ATP13A1: variants seen among roughly 807,000 people sequenced by gnomAD.
ATP13A1 encodes ATPase 13A1, also known as endoplasmic reticulum transmembrane helix translocase.
In ATP13A1, 55 loss-of-function variants were observed where a neutral mutation model predicts 134.8. The ratio of observed to expected loss-of-function variants is 0.41; its 90% CI spans 0.33 to 0.51. The LOEUF (loss-of-function observed/expected upper bound fraction) is 0.51. Among genes scored for constraint, ATP13A1 ranks in the 20% least tolerant of loss-of-function variants. The probability of loss-of-function intolerance (pLI) is 0.29; values close to 1 mark genes in which losing one functional copy is unlikely to be tolerated. For missense variants in ATP13A1, 1,389 were observed against 1,652.8 expected (o/e 0.84, Z 2.77); for synonymous variants, 775 against 725.1 (o/e 1.07, Z -1.10).
Position 19,647,189 on chromosome 19 carries a change from G to T in ATP13A1, c.3045C>A (p.Phe1015Leu). The change falls in exon 22 of 26, where the codon TTC (phenylalanine) becomes TTA (leucine). Residue 1015 changes from phenylalanine to leucine, a missense_variant. Phe to Leu is a conservative substitution (Grantham distance 22, BLOSUM62 0). Around this residue, in one of 4 missense-constraint regions of ATP13A1, gnomAD observed 228 missense variants for 321.0 expected, o/e 0.71. Transcript: ENST00000357324. The surrounding 1 kb of genome is among the most constrained non-coding windows in gnomAD (Gnocchi z 4.8). ...LYLEGVKFSD[F>L]QATLQGLLLA... ...GCAGCAGCCCCTGTAGGGTGGCCTGGAAGTCACTGAACTTGACTCCCTCCA... is the reference window on the plus strand; with the variant it reads ...GCAGCAGCCCCTGTAGGGTGGCCTGTAAGTCACTGAACTTGACTCCCTCCA... 1.2e-6 allele frequency: 2 copies of T among 1,613,920 alleles called. No individual in the cohort carries two copies. The highest frequency in any genetic ancestry group is 1.7e-6 in the Non-Finnish European group (2 of 1,179,864).
rs371690765 is a variant in ATP13A1, at chr19:19,654,008, G to A, written c.1950C>T (p.Ile650=). ...EKLGSTDLCY[I]AAVKGAPETL... ...TTTCGGGGGCCCCCTTCACGGCCGCGATGTAGCAGAGGTCGGTGGAGCCCA... is the reference window on the plus strand; with the variant it reads ...TTTCGGGGGCCCCCTTCACGGCCGCAATGTAGCAGAGGTCGGTGGAGCCCA... Residue 650 remains isoleucine (I), a synonymous_variant, in exon 14 of 26, where the codon ATC becomes ATT. Transcript: ENST00000357324. 4.8e-5 allele frequency: 77 copies of A among 1,598,920 alleles called. No homozygotes were observed. The highest frequency in any genetic ancestry group is 6.2e-5 in the Non-Finnish European group (73 of 1,173,238).
In ATP13A1 at chr19:19,649,677, G is replaced by A. The variant is rs1353673140; in HGVS notation, c.2536-14C>T. ...GATGACAAACTCCTGTATGGGCGGA[G>A]ACAGGCTGAGCAGGGGCTGCGTGCC... is the stretch of plus-strand genomic sequence containing the variant. On this transcript the variant is annotated splice_polypyrimidine_tract_variant and intron_variant, in intron 18 of 25. Coordinates refer to ENST00000357324, the MANE Select transcript of ATP13A1 (RefSeq NM_020410.3). The A allele has an allele frequency of 3.1e-6, 5 of 1,613,680 alleles. No individual in the cohort carries two copies. Among genetic ancestry groups the A allele is most frequent in the Non-Finnish European group, 4.2e-6 (5 of 1,179,796 alleles).
chr19:19,646,093 C>T (rs988277570), intron 23 of ATP13A1, 108 bp from the exon 24 acceptor site: 3 of 1,590,178 alleles, frequency 1.9e-6, no homozygotes, highest in African/African-American at 1.3e-5. Context: ...TGGCCTAGTG[C>T]CCCTCCCTGG....
chr19:19,645,502 G>A lies in ATP13A1; in HGVS notation c.3535C>T (p.Leu1179=). 1 of 1,606,668 alleles carries A rather than the reference G, an allele frequency of 6.2e-7. No homozygotes were observed. ...GCCAGGAGCGCCAGGCAGAAGTCCA[G>A]GAGCAGGACCTGGGCAATGACCAGC... ...FKLVIAQVLL[L]DFCLALLADR... The change falls in exon 26 of 26, where the codon CTG becomes TTG. Residue 1179 remains leucine (L), a synonymous_variant. Coordinates refer to ENST00000357324, the MANE Select transcript of ATP13A1 (RefSeq NM_020410.3). This position sits in a 1 kb window ranked among gnomAD's most constrained non-coding sequence, Gnocchi z 4.1.
chr19:19,647,532 C>G lies in ATP13A1; in HGVS notation c.2794-4G>C. The G allele has an allele frequency of 6.2e-7, 1 of 1,612,254 alleles. No homozygotes were observed. The highest frequency in any genetic ancestry group is 8.5e-7 in the Non-Finnish European group (1 of 1,179,064). ...GCAGCACCTGGCTCAGGCGGTCCTG[C>G]AGGGTAGACAGCAGGCTGTCAGCCC... On this transcript the variant is annotated splice_polypyrimidine_tract_variant and splice_region_variant and intron_variant, in intron 20 of 25. Coordinates refer to ENST00000357324, the MANE Select transcript of ATP13A1 (RefSeq NM_020410.3). The surrounding 1 kb of genome is among the most constrained non-coding windows in gnomAD (Gnocchi z 4.8).
chr19:19,661,120 A>G (rs1476681458), intron 1 of ATP13A1, among the ~76,000 whole-genome samples: 3 of 152,068 alleles, frequency 2.0e-5, no homozygotes, highest in African/African-American at 7.2e-5. Flanking sequence ...CCAAAAAACA[A>G]AACAAAAACA....
chr19:19,646,855 C>A, intron 22 of ATP13A1: 1 of 508,438 alleles, frequency 2.0e-6, no homozygotes, highest in Non-Finnish European at 3.5e-6. Flanking sequence ...TTTTTACCCT[C>A]TTGATGATTG....
At position 19,655,821 on chromosome 19, in the gene ATP13A1, G is replaced by GAT; in HGVS notation, c.1269+55_1269+56dup. The GAT allele has an allele frequency of 6.5e-7, 1 of 1,544,236 alleles. No individual in the cohort carries two copies. Among genetic ancestry groups the GAT allele is most frequent in the Non-Finnish European group, 8.7e-7 (1 of 1,149,000 alleles). Reference sequence around the variant, plus strand: ...AGATGTTCTGGGGTCGGAAAGGGCTGATACCTTGGCTGTCCAACTGCCCTG... The same window carrying GAT: ...AGATGTTCTGGGGTCGGAAAGGGCTGATATACCTTGGCTGTCCAACTGCCCTG... On this transcript the variant is annotated intron_variant, in intron 9 of 25. Transcript: ENST00000357324. The surrounding 1 kb of genome is among the most constrained non-coding windows in gnomAD (Gnocchi z 5.7).
At chr19:19,661,174 C>T (rs1424247651) in intron 1 of ATP13A1, among the ~76,000 whole-genome samples, 2 of 152,186 alleles carry the variant, frequency 1.3e-5, no homozygotes, top group East Asian at 3.9e-4. Flanking sequence ...GCACAGACAG[C>T]ACCTAATGCC....
At chr19:19,649,401 G>A (rs922775466) in intron 19 of ATP13A1, among the ~76,000 whole-genome samples, 166 bp downstream of exon 19, 1 of 152,036 alleles carries the variant, frequency 6.6e-6, no homozygotes, top group Non-Finnish European at 1.5e-5. Context: ...TGGGATATTC[G>A]CATCCCTTCC....
intron 3 of ATP13A1, among the ~76,000 whole-genome samples, chr19:19,657,802 C>T (rs984315567): frequency 2.6e-5 from 4 of 152,116 alleles, no homozygotes; most frequent in African/African-American, 9.7e-5. Context: ...CAGCAGAAGA[C>T]ACTGAGACCC....
intron 15 of ATP13A1, 140 bp from the exon 16 acceptor site, chr19:19,652,860 G>A: frequency 8.0e-7 from 1 of 1,255,476 alleles, no homozygotes; most frequent in African/African-American, 1.5e-5. Flanking sequence ...CGAGGGTTGG[G>A]AGGGGAGAAA....
At position 19,646,314 on chromosome 19, in the gene ATP13A1, G is replaced by A; in HGVS notation, c.3139C>T (p.Pro1047Ser). 1.2e-6 allele frequency: 2 copies of A among 1,613,942 alleles called. No individual in the cohort carries two copies. The highest frequency in any genetic ancestry group is 1.7e-6 in the Non-Finnish European group (2 of 1,179,842). Residue 1047 changes from proline to serine, a missense_variant, in exon 23 of 26, where the codon CCC becomes TCC. Physicochemically the swap from Pro to Ser is moderately conservative, Grantham distance 74 (BLOSUM62 -1). Coordinates refer to ENST00000357324, the MANE Select transcript of ATP13A1 (RefSeq NM_020410.3). The part of the protein sequence containing the change: ...LKTLSRERPL[P>S]NIFNLYTILT... ...ATGGTGTACAGGTTGAAGATGTTGG[G>A]CAGGGGCCGTTCTCGGGAGAGGGTC...
chr19:19,646,671 T>G, intron 22 of ATP13A1: 1 of 382,018 alleles, frequency 2.6e-6, no homozygotes, highest in Non-Finnish European at 4.8e-6. Context: ...TCCCACCCCC[T>G]CCAGCCACCG....
Position 19,647,479 on chromosome 19 carries a change from A to G in ATP13A1, c.2843T>C (p.Ile948Thr). ...LRDLEDESTPIVKLGDASIAA... is the reference protein window; with the variant it reads ...LRDLEDESTPTVKLGDASIAA... ...GATGCTGGCATCCCCCAGTTTCACA[A>G]TGGGCGTACTCTCGTCCTCGAGGTC... Residue 948 changes from isoleucine (I) to threonine (T), a missense_variant, in exon 21 of 26, where the codon ATT becomes ACT. By Grantham distance (89) the Ile-to-Thr change is moderately conservative. This residue lies in a region of ATP13A1 where 121 missense variants were observed against 104.9 expected (regional missense o/e 1.15). Transcript: ENST00000357324. This position sits in a 1 kb window ranked among gnomAD's most constrained non-coding sequence, Gnocchi z 4.8. 6.2e-7 allele frequency: 1 copy of G among 1,613,456 alleles called. No homozygotes were observed.
chr19:19,656,847 C>T lies in ATP13A1; in HGVS notation c.976G>A (p.Gly326Ser). 1.2e-6 allele frequency: 2 copies of T among 1,612,128 alleles called. No individual in the cohort carries two copies. The highest frequency in any genetic ancestry group is 8.5e-7 in the Non-Finnish European group (1 of 1,179,236). The part of the protein sequence containing the change: ...EIVPGDIVSI[G>S]RSPQENLVPC... ...GGGACTGAGCGGAACCCGGCCTCAC[C>T]GATGGAGACGATGTCCCCTGGTACG... Residue 326 changes from glycine (G) to serine (S), a missense_variant and splice_region_variant, in exon 6 of 26, where the codon GGC becomes AGC. By Grantham distance (56) the Gly-to-Ser change is moderately conservative. Transcript: ENST00000357324. This position sits in a 1 kb window ranked among gnomAD's most constrained non-coding sequence, Gnocchi z 4.6.
At chr19:19,646,887 TG>T in intron 22 of ATP13A1, 1 of 554,280 alleles carries the variant, frequency 1.8e-6, no homozygotes, top group Non-Finnish European at 3.2e-6. Flanking sequence ...TGGGGCTCTG[TG>T]GGGCCCACCC....
In ATP13A1 at chr19:19,647,406, C is replaced by T; in HGVS notation, c.2908+8G>A. On this transcript the variant is annotated splice_region_variant and intron_variant, in intron 21 of 25. Transcript: ENST00000357324. This position sits in a 1 kb window ranked among gnomAD's most constrained non-coding sequence, Gnocchi z 4.8. Reference sequence around the variant, plus strand: ...TGAAGGGAGGGGGAGCGGGGGCAGGCAACTCACTGCACTGGATGGATGAGA... The same window carrying T: ...TGAAGGGAGGGGGAGCGGGGGCAGGTAACTCACTGCACTGGATGGATGAGA... 6.2e-7 allele frequency: 1 copy of T among 1,610,544 alleles called. No homozygotes were observed.
In ATP13A1 at chr19:19,652,727, A is replaced by T; in HGVS notation, c.2101-7T>A. 1 of 1,600,958 alleles carries T rather than the reference A, an allele frequency of 6.2e-7. No homozygotes were observed. Among genetic ancestry groups the T allele is most frequent in the African/African-American group, 1.3e-5 (1 of 74,772 alleles). ...CCCGCTTGACCTCCCGGGCCTGCGGACAGACAGGGGCACCCTCACCATCTG... is the reference window on the plus strand; with the variant it reads ...CCCGCTTGACCTCCCGGGCCTGCGGTCAGACAGGGGCACCCTCACCATCTG... On this transcript the variant is annotated splice_region_variant and splice_polypyrimidine_tract_variant and intron_variant, in intron 15 of 25. Transcript: ENST00000357324.
Sources: gnomAD v4.1 joint callset for allele counts (sites outside exome capture counted in the v4.1 genomes callset) on GRCh38, gnomAD v4.1.1 for gene constraint, gnomAD v4.1.1 regional missense constraint, Gnocchi (gnomAD v3.1) non-coding constraint, MANE v1.5 for transcripts, NCBI Gene and HGNC (gene_info 2026-07-23, HGNC 2026-07-21) for gene names.